The following NIBAN1 variants were observed in gnomAD, a reference collection of about 807,000 sequenced individuals.
NIBAN1 encodes niban apoptosis regulator 1, also known as protein Niban 1.
NIBAN1 carries 81 observed loss-of-function variants against 75.1 expected under a neutral mutation model. The ratio of observed to expected loss-of-function variants is 1.08; its 90% CI spans 0.90 to 1.30. NIBAN1 has a LOEUF of 1.30. NIBAN1 is among the 50% of genes most tolerant of loss of function. The pLI is 0.00. For missense variants in NIBAN1, 1,133 were observed against 1,128.1 expected (o/e 1.00, Z -0.06); for synonymous variants, 436 against 424.8 (o/e 1.03, Z -0.32).
chr1:184,842,520 G>A (rs1251502197), intron 5 of NIBAN1, among the ~76,000 whole-genome samples: 7 of 152,168 alleles, frequency 4.6e-5, no homozygotes, highest in Admixed American at 1.3e-4. Context: ...TTGGGAGGCC[G>A]AGGCAGGCGG....
intron 1 of NIBAN1, among the ~76,000 whole-genome samples, chr1:184,928,533 C>T (rs1173290591): frequency 2.0e-5 from 3 of 152,180 alleles, no homozygotes; most frequent in African/African-American, 7.2e-5. Context: ...TGATTCCCCT[C>T]TGGCTAGGGC....
intron 5 of NIBAN1, among the ~76,000 whole-genome samples, chr1:184,839,659 G>A (rs186864752): frequency 4.6e-5 from 7 of 151,704 alleles, no homozygotes; most frequent in African/African-American, 9.7e-5. Flanking sequence ...GCAATGGCAC[G>A]ATCTTGGTTC....
intron 5 of NIBAN1, among the ~76,000 whole-genome samples, chr1:184,860,063 T>C (rs1216726488): frequency 6.6e-6 from 1 of 151,772 alleles, no homozygotes; most frequent in African/African-American, 2.4e-5. Context: ...AAAGGGAAAG[T>C]AAGAAAAGGC....
At chr1:184,871,268 A>G (rs1040177817) in intron 5 of NIBAN1, among the ~76,000 whole-genome samples, 8 of 147,694 alleles carry the variant, frequency 5.4e-5, no homozygotes, top group Non-Finnish European at 8.9e-5. Context: ...AATCACTTGA[A>G]CCTGGGAGGT....
At chr1:184,853,009 T>C (rs1655583674) in intron 5 of NIBAN1, among the ~76,000 whole-genome samples, 1 of 152,220 alleles carries the variant, frequency 6.6e-6, no homozygotes, top group Non-Finnish European at 1.5e-5. Flanking sequence ...TCTAATTAAT[T>C]AACCTAATAA....
chr1:184,823,301 T>C lies in NIBAN1; in HGVS notation c.851A>G (p.Gln284Arg), dbSNP rs1230415521. Residue 284 changes from glutamine (Q) to arginine (R), a missense_variant, in exon 8 of 14, where the codon CAG (glutamine) becomes CGG (arginine). Gln to Arg is a conservative substitution (Grantham distance 43). Transcript: ENST00000367511. ...GLLEEAYTLV[Q>R]HQVSEGLSAL... ...ACTTAATCCTTCTGAAACTTGATGC[T>C]GAACCAGGGTGTAGGCCTCCTCGAG... is the stretch of plus-strand genomic sequence containing the variant. The C allele has an allele frequency of 6.2e-7, 1 of 1,614,220 alleles. No individual in the cohort carries two copies. Among genetic ancestry groups the C allele is most frequent in the South Asian group, 1.1e-5 (1 of 91,090 alleles).
intron 1 of NIBAN1, among the ~76,000 whole-genome samples, chr1:184,927,438 T>C (rs1434960275): frequency 6.6e-6 from 1 of 152,176 alleles, no homozygotes; most frequent in Non-Finnish European, 1.5e-5. Flanking sequence ...TTGGATAAGA[T>C]CCAGAAAAAT....
intron 1 of NIBAN1, among the ~76,000 whole-genome samples, chr1:184,915,766 A>G (rs1657369311): frequency 6.6e-6 from 1 of 152,228 alleles, no homozygotes; most frequent in Non-Finnish European, 1.5e-5. Flanking sequence ...AAAGGGAAAG[A>G]GAAAGAGACA....
chr1:184,934,495 G>T (rs1019796961), intron 1 of NIBAN1, among the ~76,000 whole-genome samples: 6 of 152,136 alleles, frequency 3.9e-5, no homozygotes, highest in African/African-American at 2.4e-5. Flanking sequence ...CTGGCTCAGG[G>T]GCTCACACCT....
At chr1:184,889,582 T>C (rs1656614038) in intron 4 of NIBAN1, among the ~76,000 whole-genome samples, 1 of 152,116 alleles carries the variant, frequency 6.6e-6, no homozygotes, top group African/African-American at 2.4e-5. Context: ...TACTAGAAGA[T>C]GGGATTGTAT....
chr1:184,901,920 A>G (rs968288848), intron 1 of NIBAN1, among the ~76,000 whole-genome samples: 5 of 152,220 alleles, frequency 3.3e-5, no homozygotes, highest in African/African-American at 1.2e-4. Context: ...AGTTCAAACT[A>G]TGTATGATAT....
chr1:184,946,858 G>T (rs2102057990), intron 1 of NIBAN1, among the ~76,000 whole-genome samples: 1 of 152,202 alleles, frequency 6.6e-6, no homozygotes. Flanking sequence ...TGGATCACCT[G>T]AGGTCGGGAG....
At chr1:184,974,159 A>G in intron 1 of NIBAN1, 143 bp downstream of exon 1, 1 of 870,728 alleles carries the variant, frequency 1.1e-6, no homozygotes, top group Non-Finnish European at 1.6e-6. Context: ...AGGAAACCCG[A>G]CTCGCGCGGG....
chr1:184,844,226 T>C (rs1179518207), intron 5 of NIBAN1, among the ~76,000 whole-genome samples: 1 of 152,166 alleles, frequency 6.6e-6, no homozygotes, highest in East Asian at 1.9e-4. Context: ...CTTACCAACA[T>C]CTGTGAGAGC....
intron 1 of NIBAN1, among the ~76,000 whole-genome samples, chr1:184,902,115 G>C (rs1656971719): frequency 6.6e-6 from 1 of 152,050 alleles, no homozygotes; most frequent in Non-Finnish European, 1.5e-5. Context: ...TTGCTTGTAA[G>C]CTAGCACTTT....
intron 5 of NIBAN1, among the ~76,000 whole-genome samples, chr1:184,866,022 T>C (rs1313728238): frequency 6.6e-6 from 1 of 152,176 alleles, no homozygotes; most frequent in Non-Finnish European, 1.5e-5. Context: ...CTTTTTCAAA[T>C]GATGACCTAC....
chr1:184,953,729 T>G (rs1658416651), intron 1 of NIBAN1, among the ~76,000 whole-genome samples: 1 of 152,190 alleles, frequency 6.6e-6, no homozygotes, highest in Non-Finnish European at 1.5e-5. Flanking sequence ...GAGTTTCTCG[T>G]GGAAGTGCCA....
intron 1 of NIBAN1, among the ~76,000 whole-genome samples, chr1:184,954,490 G>T (rs963883529): frequency 3.9e-5 from 6 of 152,114 alleles, no homozygotes; most frequent in African/African-American, 1.4e-4. Flanking sequence ...AAAGGCAAAT[G>T]ACCTCAGGGC....
At chr1:184,970,911 AAC>A (rs1252194721) in intron 1 of NIBAN1, among the ~76,000 whole-genome samples, 4 of 152,172 alleles carry the variant, frequency 2.6e-5, no homozygotes, top group African/African-American at 9.7e-5. Flanking sequence ...TAAACAGGAA[AAC>A]ACAGTGTGGG....
Sources: allele counts gnomAD v4.1 joint callset (sites outside exome capture counted in the v4.1 genomes callset), GRCh38; gene constraint gnomAD v4.1.1; transcripts MANE v1.5; gene names NCBI Gene and HGNC (gene_info 2026-07-23, HGNC 2026-07-21).